Variants in CMKLR1 observed in about 807,000 individuals in gnomAD.
The protein encoded by CMKLR1 is chemerin-like receptor 1.
In CMKLR1, 6 loss-of-function variants were observed where a neutral mutation model predicts 8.2. The ratio of observed to expected loss-of-function variants is 0.73; its 90% CI spans 0.40 to 1.44. The LOEUF is 1.44. Among genes scored for constraint, CMKLR1 ranks in the 40% most tolerant of loss-of-function variants. The pLI is 0.02. For missense variants in CMKLR1, 429 were observed against 478.0 expected, an observed-to-expected ratio of 0.90 and a Z score of 0.96; for synonymous variants, 178 against 181.2, an observed-to-expected ratio of 0.98 and a Z score of 0.14.
intron 1 of CMKLR1, among the ~76,000 whole-genome samples, chr12:108,338,438 A>G (rs539873977): frequency 6.6e-6 from 1 of 152,222 alleles, no homozygotes; most frequent in Non-Finnish European, 1.5e-5. Flanking sequence ...CATCAGGGAA[A>G]GTTTAAGGGA....
chr12:108,324,353 G>A (rs1041176519), intron 2 of CMKLR1, among the ~76,000 whole-genome samples: 34 of 152,190 alleles, frequency 2.2e-4, no homozygotes, highest in African/African-American at 8.2e-4. Context: ...CTTACCAGCT[G>A]TGTGACCTTG....
At chr12:108,294,686 G>A (rs565563464) in intron 2 of CMKLR1, among the ~76,000 whole-genome samples, 138 of 152,280 alleles carry the variant, frequency 9.1e-4, no homozygotes, top group African/African-American at 3.2e-3. Flanking sequence ...GCCTAGAGGT[G>A]CACAGCTGAT....
At chr12:108,301,864 G>A (rs1891284177) in intron 2 of CMKLR1, among the ~76,000 whole-genome samples, 1 of 152,144 alleles carries the variant, frequency 6.6e-6, no homozygotes, top group Non-Finnish European at 1.5e-5. Flanking sequence ...CTGAAGCTTA[G>A]CTCATGTGGG....
intron 2 of CMKLR1, among the ~76,000 whole-genome samples, chr12:108,306,871 G>C (rs951315110): frequency 6.6e-6 from 1 of 152,104 alleles, no homozygotes; most frequent in East Asian, 1.9e-4. Context: ...CATCTCCCCA[G>C]CAGCCATTCC....
At chr12:108,311,856 G>T (rs955919709) in intron 2 of CMKLR1, among the ~76,000 whole-genome samples, 7 of 152,182 alleles carry the variant, frequency 4.6e-5, no homozygotes, top group Admixed American at 6.5e-5. Flanking sequence ...CTGCTGGGGG[G>T]ACCTCAGAGG....
chr12:108,335,092 T>G (rs887486134), intron 1 of CMKLR1, among the ~76,000 whole-genome samples: 2 of 152,134 alleles, frequency 1.3e-5, no homozygotes, highest in African/African-American at 4.8e-5. Flanking sequence ...GATTGACTAA[T>G]GGAAATGTAG....
At chr12:108,335,338 C>A (rs1045865121) in intron 1 of CMKLR1, among the ~76,000 whole-genome samples, 7 of 152,056 alleles carry the variant, frequency 4.6e-5, no homozygotes, top group Non-Finnish European at 1.0e-4. Context: ...TGCTTCCAGG[C>A]CAAAGCAGAT....
At chr12:108,330,895 T>A (rs1279404665) in intron 1 of CMKLR1, among the ~76,000 whole-genome samples, 1 of 152,058 alleles carries the variant, frequency 6.6e-6, no homozygotes, top group Non-Finnish European at 1.5e-5. Context: ...CCAACACATA[T>A]CCCAAGAGCC....
chr12:108,303,769 T>C (rs562277334), intron 2 of CMKLR1, among the ~76,000 whole-genome samples: 1 of 152,342 alleles, frequency 6.6e-6, no homozygotes, highest in African/African-American at 2.4e-5. Flanking sequence ...CCGGGTCCCC[T>C]GCAATTTTCT....
At chr12:108,307,589 C>A (rs1019048198) in intron 2 of CMKLR1, among the ~76,000 whole-genome samples, 1 of 152,214 alleles carries the variant, frequency 6.6e-6, no homozygotes, top group African/African-American at 2.4e-5. Flanking sequence ...CCATGCCTCG[C>A]TCCTTCCTTT....
At chr12:108,300,893 A>G (rs188804653) in intron 2 of CMKLR1, among the ~76,000 whole-genome samples, 13 of 152,264 alleles carry the variant, frequency 8.5e-5, no homozygotes, top group Admixed American at 7.8e-4. Context: ...CCCAATCCTC[A>G]TGATCACCCT....
intron 2 of CMKLR1, among the ~76,000 whole-genome samples, chr12:108,310,839 C>T (rs7131999): frequency 2.0e-5 from 3 of 151,822 alleles, no homozygotes; most frequent in African/African-American, 4.8e-5. Context: ...TTCAGCAAGG[C>T]GGGTAGGCAG....
At chr12:108,321,265 C>G (rs574522612) in intron 2 of CMKLR1, among the ~76,000 whole-genome samples, 29 of 152,212 alleles carry the variant, frequency 1.9e-4, no homozygotes, top group Admixed American at 4.6e-4. Context: ...AAAAACCTCA[C>G]TCATACAAAA....
At chr12:108,298,495 C>T (rs12811120) in intron 2 of CMKLR1, among the ~76,000 whole-genome samples, 18 of 152,280 alleles carry the variant, frequency 1.2e-4, no homozygotes, top group East Asian at 3.9e-4. Context: ...ACACATTTAC[C>T]GATGTCTGTT....
At chr12:108,309,225 T>C (rs1406004891) in intron 2 of CMKLR1, among the ~76,000 whole-genome samples, 2 of 152,326 alleles carry the variant, frequency 1.3e-5, no homozygotes, top group Non-Finnish European at 1.5e-5. Flanking sequence ...ACAATGAATA[T>C]AATAGCAGGC....
intron 2 of CMKLR1, among the ~76,000 whole-genome samples, chr12:108,318,923 C>T (rs1338553893): frequency 6.6e-6 from 1 of 152,244 alleles, no homozygotes; most frequent in African/African-American, 2.4e-5. Context: ...GCTTTCCCAG[C>T]CACTCAGGAA....
At chr12:108,331,489 G>A (rs565613009) in intron 1 of CMKLR1, among the ~76,000 whole-genome samples, 8 of 152,084 alleles carry the variant, frequency 5.3e-5, no homozygotes, top group African/African-American at 9.7e-5. Flanking sequence ...ATCTAAATTC[G>A]AAATTCAAGA....
At chr12:108,337,278 A>G (rs745885870) in intron 1 of CMKLR1, among the ~76,000 whole-genome samples, 1 of 152,210 alleles carries the variant, frequency 6.6e-6, no homozygotes, top group African/African-American at 2.4e-5. Context: ...TGATAAAATC[A>G]TCTCGAGAAA....
chr12:108,294,327 C>T (rs1452603724), intron 2 of CMKLR1, among the ~76,000 whole-genome samples: 1 of 152,180 alleles, frequency 6.6e-6, no homozygotes, highest in African/African-American at 2.4e-5. Context: ...ATCCACTGAG[C>T]CTCCGCTGTG....
Sources: allele counts gnomAD v4.1 joint callset (sites outside exome capture counted in the v4.1 genomes callset), GRCh38; gene constraint gnomAD v4.1.1; transcripts MANE v1.5; gene names NCBI Gene and HGNC (gene_info 2026-07-23, HGNC 2026-07-21).